Variants in DNAH7 observed in about 807,000 individuals in gnomAD.
DNAH7 encodes dynein axonemal heavy chain 7.
DNAH7 carries 397 observed loss-of-function variants against 444.6 expected under a neutral mutation model. That is an observed-to-expected ratio of 0.89 (90% CI 0.82 to 0.97). The LOEUF (loss-of-function observed/expected upper bound fraction) is 0.97. DNAH7 is among the 50% of genes least tolerant of loss of function. DNAH7 has a pLI of 0.00. For missense variants in DNAH7, 4,902 were observed against 4,800.8 expected, an observed-to-expected ratio of 1.02 and a Z score of -0.62; for synonymous variants, 1,636 against 1,624.4, an observed-to-expected ratio of 1.01 and a Z score of -0.17.
chr2:196,051,522 C>A (rs1047338092), intron 2 of DNAH7, among the ~76,000 whole-genome samples: 1 of 152,098 alleles, frequency 6.6e-6, no homozygotes, highest in African/African-American at 2.4e-5. Context: ...AATCCCAGCA[C>A]TCTGGGAGGC....
chr2:195,845,212 C>A (rs201178460), intron 46 of DNAH7, 47 bp from the exon 47 acceptor site: 3 of 1,501,188 alleles, frequency 2.0e-6, no homozygotes, highest in South Asian at 1.3e-5. Flanking sequence ...TGGAGGTTAT[C>A]AAAAGCATGC....
rs1440928151 is a variant in DNAH7 at position 196,000,892 on chromosome 2, A to C, written c.1174-9T>G. ...AAAGCTCTAACAGAATCCTGCAAAA[A>C]ATTAAAAAATTTACATACATAAATA... On this transcript the variant is annotated splice_polypyrimidine_tract_variant and intron_variant, in intron 11 of 64. Transcript: ENST00000312428. 6.4e-7 allele frequency: 1 copy of C among 1,554,058 alleles called. No homozygotes were observed. The highest frequency in any genetic ancestry group is 1.4e-5 in the African/African-American group (1 of 72,270).
At chr2:195,872,616 ATAATAC>A (rs1700785687) in intron 39 of DNAH7, 147 bp from the exon 40 acceptor site, 1 of 446,764 alleles carries the variant, frequency 2.2e-6, no homozygotes, top group African/African-American at 2.0e-5. Flanking sequence ...TATTATAATA[ATAATAC>A]TAATAGATTT....
chr2:195,856,053 C>T (rs1699685079), intron 44 of DNAH7, 62 bp from the exon 45 acceptor site: 3 of 1,469,102 alleles, frequency 2.0e-6, no homozygotes, highest in South Asian at 2.6e-5. Flanking sequence ...CTTTCTATCA[C>T]TGAATTTACT....
chr2:195,997,033 A>G (rs1171378085), intron 12 of DNAH7, among the ~76,000 whole-genome samples: 2 of 152,170 alleles, frequency 1.3e-5, no homozygotes, highest in African/African-American at 4.8e-5. Flanking sequence ...GAAAACAGAA[A>G]TTTTTAAGAT....
intron 5 of DNAH7, among the ~76,000 whole-genome samples, chr2:196,028,791 T>C (rs777129949): frequency 9.9e-5 from 15 of 152,166 alleles, no homozygotes; most frequent in Non-Finnish European, 1.6e-4. Flanking sequence ...AGTGATGTTG[T>C]ATAATTAAGT....
intron 12 of DNAH7, chr2:195,994,474 A>G (rs756373228): frequency 1.9e-6 from 1 of 516,266 alleles, no homozygotes; most frequent in Non-Finnish European, 3.8e-6. Flanking sequence ...ATAGAAATTG[A>G]CCAATCGCCA....
At chr2:195,860,320 C>A (rs889017527) in intron 42 of DNAH7, among the ~76,000 whole-genome samples, 1 of 151,978 alleles carries the variant, frequency 6.6e-6, no homozygotes, top group African/African-American at 2.4e-5. Context: ...TTTAATCAAT[C>A]TCCAAGAGCT....
At chr2:195,812,756 G>A (rs1442027647) in intron 51 of DNAH7, among the ~76,000 whole-genome samples, 1 of 152,138 alleles carries the variant, frequency 6.6e-6, no homozygotes, top group Non-Finnish European at 1.5e-5. Context: ...AGGTTGGCTA[G>A]TGTTAATAGT....
chr2:196,059,955 C>T (rs571209136), intron 1 of DNAH7, among the ~76,000 whole-genome samples: 2 of 152,244 alleles, frequency 1.3e-5, no homozygotes, highest in Middle Eastern at 3.4e-3. Context: ...GTGGCTCATG[C>T]CTGTAATCCC....
intron 12 of DNAH7, among the ~76,000 whole-genome samples, chr2:195,990,714 C>T (rs1049452722): frequency 3.3e-5 from 5 of 149,484 alleles, no homozygotes; most frequent in African/African-American, 1.2e-4. Flanking sequence ...CTATGCCATT[C>T]CATTGGTCTA....
intron 40 of DNAH7, among the ~76,000 whole-genome samples, chr2:195,868,014 A>G (rs570740179): frequency 2.7e-5 from 4 of 150,108 alleles, no homozygotes; most frequent in South Asian, 4.2e-4. Flanking sequence ...ACTGTTTTCT[A>G]TATTACATTA....
intron 5 of DNAH7, among the ~76,000 whole-genome samples, chr2:196,030,594 T>C (rs1167759844): frequency 1.3e-5 from 2 of 152,180 alleles, no homozygotes; most frequent in Non-Finnish European, 2.9e-5. Flanking sequence ...AAAAGCAAGC[T>C]AGTTATTTCC....
rs886942405 is a variant in DNAH7, at chr2:195,775,248, C to T, written c.11202+598G>A. On this transcript the variant is annotated intron_variant, in intron 60 of 64. Coordinates refer to ENST00000312428, the MANE Select transcript of DNAH7 (RefSeq NM_018897.3). Reference sequence around the variant, plus strand: ...CAGATTGCTTTCCCACACCCCAGTGCGCTTATGCACTCTCCAGGAGAGCTG... The same window carrying T: ...CAGATTGCTTTCCCACACCCCAGTGTGCTTATGCACTCTCCAGGAGAGCTG... Among the ~76,000 whole-genome samples, 5 of 152,194 alleles carry T rather than the reference C, an allele frequency of 3.3e-5. 1 individual carries two copies. Among genetic ancestry groups the T allele is most frequent in the Admixed American group, 2.6e-4 (4 of 15,278 alleles).
Position 195,926,470 on chromosome 2 carries a change from A to G in DNAH7, c.3568T>C (p.Phe1190Leu), listed in dbSNP as rs765353510. 9 of 1,601,264 alleles carry G rather than the reference A, an allele frequency of 5.6e-6. No individual in the cohort carries two copies. The South Asian group carries it at 1.0e-4, about 18-fold the overall frequency. The stretch of plus-strand genomic sequence containing the variant: ...GCTGTTTGTACTTCTTTTGTCCAAA[A>G]GATTTGGGATACACAGAGAACAGTC... ...GQTVLCVSQI[F>L]WTKEVQTAIP... is the part of the protein sequence containing the mutation. Residue 1190 changes from phenylalanine (F) to leucine (L), a missense_variant, in exon 22 of 65, where the codon TTT becomes CTT. Physicochemically the swap from Phe to Leu is conservative, Grantham distance 22. Coordinates refer to ENST00000312428, the MANE Select transcript of DNAH7 (RefSeq NM_018897.3).
In DNAH7 at chr2:195,737,852, G is replaced by A. The variant is rs549775813; in HGVS notation, c.*69C>T. 2 of 1,410,514 alleles carry A rather than the reference G, an allele frequency of 1.4e-6. No homozygotes were observed. Among genetic ancestry groups the A allele is most frequent in the South Asian group, 1.3e-5 (1 of 79,644 alleles). 87.4% of individuals were successfully genotyped at this position (1,410,514 alleles called of 1,614,324 possible). On this transcript the variant is annotated 3_prime_UTR_variant, in exon 65 of 65. Coordinates refer to ENST00000312428, the MANE Select transcript of DNAH7 (RefSeq NM_018897.3). ...TAAACAAACAAAAAAAAAGGTTTAA[G>A]TAGTAAAATATGCTTTCTCTACTCA...
intron 21 of DNAH7, among the ~76,000 whole-genome samples, chr2:195,932,234 G>A (rs1223222842): frequency 1.3e-5 from 2 of 152,090 alleles, no homozygotes; most frequent in Non-Finnish European, 2.9e-5. Flanking sequence ...TGTTGTTGGT[G>A]TATAAGAATG....
chr2:195,999,746 T>C (rs899890512), intron 12 of DNAH7, among the ~76,000 whole-genome samples: 3 of 151,928 alleles, frequency 2.0e-5, no homozygotes, highest in Non-Finnish European at 2.9e-5. Flanking sequence ...GAATAAAAAA[T>C]TGGAAACTCA....
intron 57 of DNAH7, among the ~76,000 whole-genome samples, chr2:195,788,781 AT>A (rs1255706427): frequency 6.6e-6 from 1 of 152,250 alleles, no homozygotes; most frequent in Non-Finnish European, 1.5e-5. Context: ...AGTGACTGAA[AT>A]TGGAGGTATT....
Sources: gnomAD v4.1 joint callset for allele counts (sites outside exome capture counted in the v4.1 genomes callset) on GRCh38, gnomAD v4.1.1 for gene constraint, MANE v1.5 for transcripts, NCBI Gene and HGNC (gene_info 2026-07-23, HGNC 2026-07-21) for gene names.